PLEKHG2: variants seen among roughly 807,000 people sequenced by gnomAD.
PLEKHG2 encodes pleckstrin homology domain-containing family G member 2.
PLEKHG2 carries 71 observed loss-of-function variants against 104.4 expected under a neutral mutation model. The ratio of observed to expected loss-of-function variants is 0.68; its 90% CI spans 0.56 to 0.83. The LOEUF is 0.83. Among genes scored for constraint, PLEKHG2 ranks in the 40% least tolerant of loss-of-function variants. The pLI is 0.00. For synonymous variants in PLEKHG2, 728 were observed against 737.0 expected, an observed-to-expected ratio of 0.99 and a Z score of 0.20; for missense variants, 1,730 against 1,809.4, an observed-to-expected ratio of 0.96 and a Z score of 0.80.
Position 39,423,170 on chromosome 19 carries a change from C to G in PLEKHG2, c.2116C>G (p.Pro706Ala), listed in dbSNP as rs764031119. 11 of 1,612,980 alleles carry G rather than the reference C, an allele frequency of 6.8e-6. No individual in the cohort carries two copies. Among genetic ancestry groups the G allele is most frequent in the South Asian group, 4.4e-5 (4 of 91,026 alleles). ...GCCTCTGCAGGAACCAGCTGAGGCT[C>G]CAGCCACCAGGAGAGAACTGTTTTC... Reference protein sequence around the residue: ...QGPLQEPAEAPATRRELFSGS... With the variant: ...QGPLQEPAEAAATRRELFSGS... The change falls in exon 18 of 19, where the codon CCA becomes GCA. Residue 706 changes from proline to alanine, a missense_variant. By Grantham distance (27) the Pro-to-Ala change is conservative. Transcript: ENST00000425673.
chr19:39,420,945 A>G lies in PLEKHG2; in HGVS notation c.1400-4A>G, dbSNP rs553548779. On this transcript the variant is annotated splice_polypyrimidine_tract_variant and splice_region_variant and intron_variant, in intron 13 of 18. Transcript: ENST00000425673. ...ACACAGGGCTCTGGCCCTCCCTCCC[A>G]CAGCTCCATCTCCTGGGCCCTCTGT... 4 of 1,613,836 alleles carry G rather than the reference A, an allele frequency of 2.5e-6. No homozygotes were observed. In the South Asian group the frequency reaches 4.4e-5, roughly 18 times the overall value.
At position 39,418,016 on chromosome 19, in the gene PLEKHG2, G is replaced by C. The variant is rs1266242987; in HGVS notation, c.994G>C (p.Gly332Arg). The part of the protein sequence containing the change: ...GGGGGGPRLR[G>R]GERLLFLFSR... ...CGGAGGGGGTGGCCCCCGGCTACGA[G>C]GGGGTGAGCGGCTGCTCTTCCTGTT... is the stretch of plus-strand genomic sequence containing the variant. The change falls in exon 9 of 19, where the codon GGG becomes CGG. Residue 332 changes from glycine (G) to arginine (R), a missense_variant. By Grantham distance (125) the Gly-to-Arg change is moderately radical. Coordinates refer to ENST00000425673, the MANE Select transcript of PLEKHG2 (RefSeq NM_022835.3). 6.4e-7 allele frequency: 1 copy of C among 1,561,262 alleles called. No individual in the cohort carries two copies. Among genetic ancestry groups the C allele is most frequent in the East Asian group, 2.3e-5 (1 of 43,842 alleles).
At chr19:39,414,764 T>A (rs956117539) in intron 2 of PLEKHG2, among the ~76,000 whole-genome samples, 2 of 152,142 alleles carry the variant, frequency 1.3e-5, no homozygotes, top group Non-Finnish European at 2.9e-5. Context: ...AATGTCTACC[T>A]AGCTGATTCA....
Position 39,413,977 on chromosome 19 carries a change from C to T in PLEKHG2, c.-22-88C>T. On this transcript the variant is annotated intron_variant, in intron 1 of 18. Coordinates refer to ENST00000425673, the MANE Select transcript of PLEKHG2 (RefSeq NM_022835.3). The surrounding 1 kb of genome is among the most constrained non-coding windows in gnomAD (Gnocchi z 4.5). ...GGGGCCCCTCCCTGGATTTACACCA[C>T]GCTCCTAATTCCCAGCCCCCATCTG... 1.0e-5 allele frequency: 9 copies of T among 867,392 alleles called. No individual in the cohort carries two copies. The highest frequency in any genetic ancestry group is 1.6e-5 in the Non-Finnish European group (9 of 569,858). 53.7% of individuals were successfully genotyped at this position (867,392 alleles called of 1,614,324 possible). A position where few individuals can be genotyped will look rare whatever the true frequency, so the allele number is the denominator to read the frequency against.
In PLEKHG2 at chr19:39,423,837, GC is replaced by G. The variant is rs1320412882; in HGVS notation, c.2706del (p.Ile903TyrfsTer143). On this transcript the variant is annotated frameshift_variant, in exon 19 of 19. Transcript: ENST00000425673. LOFTEE classifies it low-confidence loss of function (END_TRUNC). ...GGGTCCTGCTGTCTGGGTTCAAGCT[GC>G]CATACCTTTGTCAAAGCAGGGAGGC... The part of the protein sequence containing the change: ...PLGPAVWVQA[A>X]IPLSKQGGSP... The G allele has an allele frequency of 6.2e-7, 1 of 1,614,190 alleles. No homozygotes were observed. Among genetic ancestry groups the G allele is most frequent in the East Asian group, 2.2e-5 (1 of 44,888 alleles).
rs1485099373 is a variant in PLEKHG2 at position 39,413,133 on chromosome 19, A to T, written c.-302A>T. Reference sequence around the variant, plus strand: ...TAGAATTAGGGGAACTCAGAAATCCATCCCCCACCCCACGGCCCTACCTAG... The same window carrying T: ...TAGAATTAGGGGAACTCAGAAATCCTTCCCCCACCCCACGGCCCTACCTAG... On this transcript the variant is annotated 5_prime_UTR_variant, in exon 1 of 19. Transcript: ENST00000425673. This position sits in a 1 kb window ranked among gnomAD's most constrained non-coding sequence, Gnocchi z 4.5. The T allele has an allele frequency of 2.0e-5, 3 of 152,118 alleles. No individual in the cohort carries two copies. Among genetic ancestry groups the T allele is most frequent in the Admixed American group, 2.0e-4 (3 of 15,264 alleles). The allele number at this position is 152,118 out of a possible 1,614,324, so 9.4% of individuals were successfully genotyped here.
At position 39,413,921 on chromosome 19, in the gene PLEKHG2, C is replaced by G. The variant is rs903486806; in HGVS notation, c.-22-144C>G. ...TCTCTCCTTGTCCCCTTCTTTCTGT[C>G]ACTTTGTGCCTCCCCCATTAGTTAC... On this transcript the variant is annotated intron_variant, in intron 1 of 18. Coordinates refer to ENST00000425673, the MANE Select transcript of PLEKHG2 (RefSeq NM_022835.3). This position sits in a 1 kb window ranked among gnomAD's most constrained non-coding sequence, Gnocchi z 4.5. The G allele has an allele frequency of 1.1e-5, 6 of 555,280 alleles. No individual in the cohort carries two copies. Among genetic ancestry groups the G allele is most frequent in the Non-Finnish European group, 1.9e-5 (6 of 308,272 alleles). 34.4% of individuals were successfully genotyped at this position (555,280 alleles called of 1,614,324 possible).
chr19:39,414,967 G>A, intron 2 of PLEKHG2, 25 bp from the exon 3 acceptor site: 1 of 1,560,590 alleles, frequency 6.4e-7, no homozygotes, highest in Non-Finnish European at 8.7e-7. Context: ...AGATTTCTCT[G>A]ACCTCCTGTT....
rs573339673 is a variant in PLEKHG2 at position 39,416,676 on chromosome 19, C to T, written c.593+79C>T. 13 of 1,566,012 alleles carry T rather than the reference C, an allele frequency of 8.3e-6. No homozygotes were observed. In the East Asian group the frequency reaches 2.2e-4, roughly 27 times the overall value. Reference sequence around the variant, plus strand: ...CCAGTCACCCGTCACCCTCCCTCTACCCCCGACCCATCCAGCACCGACCCC... The same window carrying T: ...CCAGTCACCCGTCACCCTCCCTCTATCCCCGACCCATCCAGCACCGACCCC... On this transcript the variant is annotated intron_variant, in intron 6 of 18. Coordinates refer to ENST00000425673, the MANE Select transcript of PLEKHG2 (RefSeq NM_022835.3). This position sits in a 1 kb window ranked among gnomAD's most constrained non-coding sequence, Gnocchi z 4.5.
Position 39,418,955 on chromosome 19 carries a change from T to C in PLEKHG2, c.1215T>C (p.Cys405=), listed in dbSNP as rs769674910. ...NQEEKRLWIH[C]LQRLFFENHP... ...AAGAGAAGAGGCTGTGGATTCACTG[T>C]CTCCAGCGCCTCTTCTTTGAGAACC... The change falls in exon 11 of 19, where the codon TGT becomes TGC. Residue 405 remains cysteine, a synonymous_variant. Coordinates refer to ENST00000425673, the MANE Select transcript of PLEKHG2 (RefSeq NM_022835.3). 1.9e-6 allele frequency: 3 copies of C among 1,613,008 alleles called. No homozygotes were observed. In the African/African-American group the frequency reaches 4.0e-5, roughly 22 times the overall value.
Position 39,415,363 on chromosome 19 carries a change from G to A in PLEKHG2, c.403G>A (p.Gly135Ser), listed in dbSNP as rs147871368. 6.3e-4 allele frequency: 1,014 copies of A among 1,614,160 alleles called. 8 individuals are homozygous for A. The African/African-American group carries it at 0.012, about 20-fold the overall frequency. The change falls in exon 4 of 19, where the codon GGC becomes AGC. Residue 135 changes from glycine to serine, a missense_variant. Physicochemically the swap from Gly to Ser is moderately conservative, Grantham distance 56. Coordinates refer to ENST00000425673, the MANE Select transcript of PLEKHG2 (RefSeq NM_022835.3). This position sits in a 1 kb window ranked among gnomAD's most constrained non-coding sequence, Gnocchi z 4.6. ...VEDYLGPLLDGGVLGLSVEQV... is the reference protein window; with the variant it reads ...VEDYLGPLLDSGVLGLSVEQV... Reference sequence around the variant, plus strand: ...GGACTACCTGGGCCCTCTGCTGGACGGCGGGGTCCTGGGGCTGAGCGTGGA... The same window carrying A: ...GGACTACCTGGGCCCTCTGCTGGACAGCGGGGTCCTGGGGCTGAGCGTGGA...
chr19:39,423,930 T>C lies in PLEKHG2; in HGVS notation c.2797T>C (p.Ser933Pro), dbSNP rs2078742491. 3 of 1,614,174 alleles carry C rather than the reference T, an allele frequency of 1.9e-6. No individual in the cohort carries two copies. In the East Asian group the frequency reaches 6.7e-5, roughly 36 times the overall value. The change falls in exon 19 of 19, where the codon TCA becomes CCA. Residue 933 changes from serine (S) to proline (P), a missense_variant. Transcript: ENST00000425673. Reference sequence around the variant, plus strand: ...GCAAGACCTTCCGGGCATCCACGTTTCAGCTGCTACCCTTTTGCCTGAGCA... The same window carrying C: ...GCAAGACCTTCCGGGCATCCACGTTCCAGCTGCTACCCTTTTGCCTGAGCA... ...PKQDLPGIHV[S>P]AATLLPEQGG...
intron 7 of PLEKHG2, 46 bp from the exon 8 acceptor site, chr19:39,417,507 TTC>T (rs1363165770): frequency 3.1e-6 from 5 of 1,597,398 alleles, no homozygotes; most frequent in Admixed American, 3.5e-5. Flanking sequence ...CTCTTTCTCC[TTC>T]TCTGTTTCTC....
intron 16 of PLEKHG2, chr19:39,421,680 C>A: frequency 4.0e-6 from 1 of 248,312 alleles, no homozygotes; most frequent in Non-Finnish European, 7.8e-6. Flanking sequence ...CAGTGAGACC[C>A]TGTCTCAAAT....
In PLEKHG2 at chr19:39,424,965, T is replaced by A. The variant is rs760763640; in HGVS notation, c.3832T>A (p.Ser1278Thr). ...QLLGPNAAALSRYLAASYISQ... is the reference protein window; with the variant it reads ...QLLGPNAAALTRYLAASYISQ... ...CCTGGGCCCCAATGCAGCTGCCCTC[T>A]CCAGATACCTGGCAGCCTCATATAT... The change falls in exon 19 of 19, where the codon TCC becomes ACC. Residue 1278 changes from serine (S) to threonine (T), a missense_variant. Coordinates refer to ENST00000425673, the MANE Select transcript of PLEKHG2 (RefSeq NM_022835.3). 5.6e-6 allele frequency: 9 copies of A among 1,613,862 alleles called. No homozygotes were observed. The highest frequency in any genetic ancestry group is 7.6e-6 in the Non-Finnish European group (9 of 1,179,932).
rs1278772193 is a variant in PLEKHG2 at position 39,423,382 on chromosome 19, G to C, written c.2328G>C (p.Gln776His). 6.2e-7 allele frequency: 1 copy of C among 1,612,398 alleles called. No individual in the cohort carries two copies. The highest frequency in any genetic ancestry group is 1.7e-5 in the Admixed American group (1 of 59,614). The stretch of plus-strand genomic sequence containing the variant: ...GGAGCGCCTGGCAGGCATTGGAACA[G>C]GGACAGCTGGCCCGGCCAGGCTTCC... ...EIRSAWQALE[Q>H]GQLARPGFPE... Residue 776 changes from glutamine (Q) to histidine (H), a missense_variant, in exon 18 of 19, where the codon CAG (glutamine) becomes CAC (histidine). Transcript: ENST00000425673.
At position 39,425,280 on chromosome 19, in the gene PLEKHG2, C is replaced by T; in HGVS notation, c.4147C>T (p.Pro1383Ser). 6.2e-7 allele frequency: 1 copy of T among 1,610,986 alleles called. No individual in the cohort carries two copies. The highest frequency in any genetic ancestry group is 8.5e-7 in the Non-Finnish European group (1 of 1,179,208). Residue 1383 changes from proline to serine, a missense_variant, in exon 19 of 19, where the codon CCC becomes TCC. Transcript: ENST00000425673. ...CAGGGCCCAGGGGGCTCCTGATGCC[C>T]CCTTCCACATGTGAGCCAGGACATG... ...LHRAQGAPDA[P>S]FHM
Position 39,424,988 on chromosome 19 carries a change from T to A in PLEKHG2, c.3855T>A (p.Tyr1285Ter), listed in dbSNP as rs1331548895. 1.2e-6 allele frequency: 2 copies of A among 1,613,544 alleles called. No individual in the cohort carries two copies. Among genetic ancestry groups the A allele is most frequent in the East Asian group, 4.5e-5 (2 of 44,874 alleles). Residue 1285 changes from tyrosine to a stop codon, truncating the protein, a stop_gained, in exon 19 of 19, where the codon TAT becomes TAA. Transcript: ENST00000425673. LOFTEE classifies it high-confidence loss of function. ...AALSRYLAAS[Y>*]ISQSLARRQG... Reference sequence around the variant, plus strand: ...TCTCCAGATACCTGGCAGCCTCATATATCAGCCAGAGCCTGGCTCGGCGGC... The same window carrying A: ...TCTCCAGATACCTGGCAGCCTCATAAATCAGCCAGAGCCTGGCTCGGCGGC...
chr19:39,424,174 TC>T lies in PLEKHG2; in HGVS notation c.3043del (p.His1015ThrfsTer31). On this transcript the variant is annotated frameshift_variant, in exon 19 of 19. Transcript: ENST00000425673. LOFTEE classifies it low-confidence loss of function (END_TRUNC). ...FCPEQGHCAD[I>X]HVPTTPALPK... The stretch of plus-strand genomic sequence containing the variant: ...CCTGAGCAGGGACACTGTGCGGACA[TC>T]CACGTTCCCACCACTCCAGCTTTGC... 6.2e-7 allele frequency: 1 copy of T among 1,614,118 alleles called. No individual in the cohort carries two copies. Among genetic ancestry groups the T allele is most frequent in the Non-Finnish European group, 8.5e-7 (1 of 1,180,014 alleles).
Sources: gnomAD v4.1 joint callset for allele counts (sites outside exome capture counted in the v4.1 genomes callset) on GRCh38, gnomAD v4.1.1 for gene constraint, Gnocchi (gnomAD v3.1) non-coding constraint, MANE v1.5 for transcripts, NCBI Gene and HGNC (gene_info 2026-07-23, HGNC 2026-07-21) for gene names.